The following SEL1L variants were observed in gnomAD, a reference collection of about 807,000 sequenced individuals.
SEL1L encodes protein sel-1 homolog 1.
A neutral mutation model predicts 109.8 loss-of-function variants in SEL1L; 52 were observed. That is an observed-to-expected ratio of 0.47 (90% CI 0.38 to 0.60). The LOEUF (loss-of-function observed/expected upper bound fraction) is 0.60, where lower values mean the gene tolerates loss of function less well. Among genes scored for constraint, SEL1L ranks in the 20% least tolerant of loss-of-function variants. The pLI is 0.00. For missense variants in SEL1L, 749 were observed against 962.2 expected (o/e 0.78, Z 2.93); for synonymous variants, 373 against 339.6 (o/e 1.10, Z -1.08).
chr14:81,496,831 C>T (rs981290301), intron 10 of SEL1L, among the ~76,000 whole-genome samples: 2 of 152,032 alleles, frequency 1.3e-5, no homozygotes, highest in African/African-American at 4.8e-5. Context: ...TCTCATGGTA[C>T]CAAAATATAT....
chr14:81,495,419 T>C (rs1883705378), intron 10 of SEL1L, among the ~76,000 whole-genome samples: 1 of 152,092 alleles, frequency 6.6e-6, no homozygotes, highest in Non-Finnish European at 1.5e-5. Context: ...GTGAATCACT[T>C]GAGCCCAGGA....
At chr14:81,503,319 T>A (rs1045320854) in intron 5 of SEL1L, among the ~76,000 whole-genome samples, 2 of 152,190 alleles carry the variant, frequency 1.3e-5, no homozygotes, top group Non-Finnish European at 2.9e-5. Flanking sequence ...ATATTACTTA[T>A]ACATGTAAAA....
In SEL1L at chr14:81,476,646, G is replaced by C. The variant is rs182326926; in HGVS notation, c.*326C>G. ...AAGAACTTATGCACACTGAAATAAT[G>C]ACCAAAAGGATCCAAGAAAGATAGC... On this transcript the variant is annotated 3_prime_UTR_variant, in exon 21 of 21. Transcript: ENST00000336735. 2.3e-3 allele frequency: 606 copies of C among 259,008 alleles called. 5 individuals carry two copies. The Middle Eastern group carries it at 0.027, about 12-fold the overall frequency. 16.0% of individuals were successfully genotyped at this position (259,008 alleles called of 1,614,324 possible). A position where few individuals can be genotyped will look rare whatever the true frequency, so the allele number is the denominator to read the frequency against.
chr14:81,489,186 A>AG, intron 14 of SEL1L, 66 bp downstream of exon 14: 1 of 1,400,774 alleles, frequency 7.1e-7, no homozygotes, highest in East Asian at 2.3e-5. Flanking sequence ...AAGCTAATTA[A>AG]GGAACATGTC....
chr14:81,533,668 T>C lies in SEL1L; in HGVS notation c.70+7A>G. 6.2e-7 allele frequency: 1 copy of C among 1,612,314 alleles called. No homozygotes were observed. The highest frequency in any genetic ancestry group is 1.7e-4 in the Middle Eastern group (1 of 6,042). On this transcript the variant is annotated splice_region_variant and intron_variant, in intron 1 of 20. Coordinates refer to ENST00000336735, the MANE Select transcript of SEL1L (RefSeq NM_005065.6). ...TGGGCCTTCAGCCCGAGGGGGCGGATACTGACCCGAGGACGCCGAGGCCAA... is the reference window on the plus strand; with the variant it reads ...TGGGCCTTCAGCCCGAGGGGGCGGACACTGACCCGAGGACGCCGAGGCCAA...
In SEL1L at chr14:81,474,927, G is replaced by A. The variant is rs1566967611; in HGVS notation, c.*2045C>T. On this transcript the variant is annotated 3_prime_UTR_variant, in exon 21 of 21. Transcript: ENST00000336735. ...TTTAAGAAATGTTTTCTCAAAGCAC[G>A]TACTCAATGGAGGGAAGGAAAGTTA... is the stretch of plus-strand genomic sequence containing the variant. 2.0e-5 allele frequency: 3 copies of A among 152,174 alleles called. No homozygotes were observed. Among genetic ancestry groups the A allele is most frequent in the Admixed American group, 2.0e-4 (3 of 15,282 alleles). 9.4% of individuals were successfully genotyped at this position (152,174 alleles called of 1,614,324 possible). A position where few individuals can be genotyped will look rare whatever the true frequency, so the allele number is the denominator to read the frequency against.
At chr14:81,508,063 TAGG>T (rs1326759893) in intron 3 of SEL1L, among the ~76,000 whole-genome samples, 6 of 152,184 alleles carry the variant, frequency 3.9e-5, no homozygotes, top group Non-Finnish European at 8.8e-5. Context: ...CCTATCACTT[TAGG>T]TAATAAGAGT....
intron 10 of SEL1L, 88 bp downstream of exon 10, chr14:81,497,804 C>A: frequency 1.6e-6 from 2 of 1,212,502 alleles, no homozygotes; most frequent in African/African-American, 1.5e-5. Context: ...GAAAATGTAA[C>A]TTACAGATAT....
At chr14:81,505,923 A>G (rs1356924883) in intron 4 of SEL1L, 151 bp downstream of exon 4, 1 of 620,870 alleles carries the variant, frequency 1.6e-6, no homozygotes, top group Non-Finnish European at 2.6e-6. Flanking sequence ...CAAGTTTCCC[A>G]CTCTTAAGTC....
chr14:81,505,602 T>C (rs1026114091), intron 4 of SEL1L, among the ~76,000 whole-genome samples: 2 of 152,358 alleles, frequency 1.3e-5, no homozygotes, highest in East Asian at 3.9e-4. Context: ...AAAATAGCTT[T>C]CCTTAGAGTC....
intron 16 of SEL1L, among the ~76,000 whole-genome samples, chr14:81,486,924 T>G (rs75778838): frequency 0.011 from 1,736 of 152,018 alleles, 42 homozygotes; most frequent in African/African-American, 0.04. Flanking sequence ...TAGGAGATAT[T>G]AGCATTCCTT....
intron 3 of SEL1L, among the ~76,000 whole-genome samples, chr14:81,509,432 C>T (rs1884374425): frequency 6.6e-6 from 1 of 152,164 alleles, no homozygotes; most frequent in African/African-American, 2.4e-5. Context: ...AGTTCTGCAG[C>T]TTCATGTAAA....
At chr14:81,487,306 T>A (rs1464727075) in intron 16 of SEL1L, 84 bp downstream of exon 16, 1 of 1,343,790 alleles carries the variant, frequency 7.4e-7, no homozygotes, top group Admixed American at 3.1e-5. Context: ...GAAGAAAACA[T>A]ACAAAAAAAC....
At chr14:81,505,444 C>T (rs1884200937) in intron 4 of SEL1L, among the ~76,000 whole-genome samples, 1 of 152,116 alleles carries the variant, frequency 6.6e-6, no homozygotes, top group African/African-American at 2.4e-5. Context: ...GTCACGCTGG[C>T]CTACATCTAA....
At chr14:81,515,307 G>A (rs1287454348) in intron 3 of SEL1L, among the ~76,000 whole-genome samples, 1 of 152,232 alleles carries the variant, frequency 6.6e-6, no homozygotes, top group Non-Finnish European at 1.5e-5. Context: ...GTATACAGAT[G>A]TCCTACAGGG....
chr14:81,479,858 C>T (rs1331116420), intron 19 of SEL1L, 118 bp from the exon 20 acceptor site: 6 of 939,274 alleles, frequency 6.4e-6, no homozygotes, highest in Non-Finnish European at 9.0e-6. Context: ...ATGAGTTTCC[C>T]TCACCTAAAC....
chr14:81,476,872 C>G lies in SEL1L; in HGVS notation c.*100G>C, dbSNP rs1903176212. Reference sequence around the variant, plus strand: ...AATGCTTCCTTGTGCCGTGCCTCTTCTGGGAGGTGACCACTGATCCAAGGT... The same window carrying G: ...AATGCTTCCTTGTGCCGTGCCTCTTGTGGGAGGTGACCACTGATCCAAGGT... On this transcript the variant is annotated 3_prime_UTR_variant, in exon 21 of 21. Transcript: ENST00000336735. 1 of 1,196,582 alleles carries G rather than the reference C, an allele frequency of 8.4e-7. No individual in the cohort carries two copies. Among genetic ancestry groups the G allele is most frequent in the Non-Finnish European group, 1.2e-6 (1 of 849,224 alleles). The allele number at this position is 1,196,582 out of a possible 1,614,324, so 74.1% of individuals were successfully genotyped here.
chr14:81,477,082 T>C lies in SEL1L; in HGVS notation c.2275A>G (p.Ile759Val). 1 of 1,614,202 alleles carries C rather than the reference T, an allele frequency of 6.2e-7. No individual in the cohort carries two copies. The highest frequency in any genetic ancestry group is 1.1e-5 in the South Asian group (1 of 91,078). ...TIIALLLGTV[I>V]AYRQRQHQDM... is the part of the protein sequence containing the mutation. ...TGGTGCTGCCTTTGCCTGTAAGCTA[T>C]GACTGTTCCCAACAGCAGCGCAATG... Residue 759 changes from isoleucine (I) to valine (V), a missense_variant, in exon 21 of 21, where the codon ATA becomes GTA. Ile to Val is a conservative substitution (Grantham distance 29). This residue lies in a region of SEL1L where 383 missense variants were observed against 562.5 expected (regional missense o/e 0.68). Transcript: ENST00000336735.
intron 5 of SEL1L, among the ~76,000 whole-genome samples, chr14:81,503,655 A>G (rs985876462): frequency 2.6e-5 from 4 of 152,184 alleles, no homozygotes; most frequent in Non-Finnish European, 2.9e-5. Context: ...AACTTCTATT[A>G]AAAAAAGTTA....
Sources: gnomAD v4.1 joint callset for allele counts (sites outside exome capture counted in the v4.1 genomes callset) on GRCh38, gnomAD v4.1.1 for gene constraint, gnomAD v4.1.1 regional missense constraint, MANE v1.5 for transcripts, NCBI Gene and HGNC (gene_info 2026-07-23, HGNC 2026-07-21) for gene names.